MRPL47: variants seen among roughly 807,000 people sequenced by gnomAD.
MRPL47 encodes the protein mitochondrial ribosomal protein L47.
Under a neutral mutation model 34.0 loss-of-function variants are expected in MRPL47, and 31 were observed. The ratio of observed to expected loss-of-function variants is 0.91; its 90% confidence interval spans 0.68 to 1.23. The LOEUF is 1.23. Among genes scored for constraint, MRPL47 ranks in the 50% most tolerant of loss-of-function variants. MRPL47 has a pLI of 0.00. For missense variants in MRPL47, 328 were observed against 285.8 expected (o/e 1.15, Z -1.07); for synonymous variants, 106 against 101.6 (o/e 1.04, Z -0.26).
chr3:179,591,463 TAA>T (rs1211003280), intron 6 of MRPL47, among the ~76,000 whole-genome samples: 12 of 152,316 alleles, frequency 7.9e-5, no homozygotes. Context: ...AAAAAAATCT[TAA>T]GTTTGTATAG....
At chr3:179,590,514 G>A (rs1366253602) in intron 6 of MRPL47, among the ~76,000 whole-genome samples, 4 of 152,104 alleles carry the variant, frequency 2.6e-5, no homozygotes, top group African/African-American at 9.7e-5. Flanking sequence ...TTTAAAAGCT[G>A]TAGCAACAGA....
chr3:179,599,566 C>A (rs2108383801), intron 3 of MRPL47, among the ~76,000 whole-genome samples: 1 of 152,308 alleles, frequency 6.6e-6, no homozygotes, highest in East Asian at 1.9e-4. Flanking sequence ...AATCCCTGAT[C>A]TCTGTGTATA....
intron 1 of MRPL47, among the ~76,000 whole-genome samples, chr3:179,603,761 C>G (rs1178078379): frequency 3.9e-5 from 6 of 152,088 alleles, no homozygotes; most frequent in Admixed American, 2.0e-4. Context: ...TACTGTGCAT[C>G]TGGATGATAA....
At chr3:179,598,611 C>G in intron 4 of MRPL47, 64 bp downstream of exon 4, 1 of 1,023,988 alleles carries the variant, frequency 9.8e-7, no homozygotes, top group Non-Finnish European at 1.5e-6. Context: ...AATACAGGAA[C>G]CACATACTCA....
intron 1 of MRPL47, among the ~76,000 whole-genome samples, 171 bp from the exon 2 acceptor site, chr3:179,602,968 C>T (rs1718964284): frequency 6.6e-6 from 1 of 152,026 alleles, no homozygotes; most frequent in African/African-American, 2.4e-5. Context: ...GACTGGGTCT[C>T]ACTATGTTGT....
chr3:179,600,662 A>C (rs1202062572), intron 3 of MRPL47, among the ~76,000 whole-genome samples: 1 of 152,136 alleles, frequency 6.6e-6, no homozygotes, highest in African/African-American at 2.4e-5. Flanking sequence ...AATAAAAAAA[A>C]GCAAATGTCT....
chr3:179,594,495 A>AT (rs1486064477), intron 4 of MRPL47, among the ~76,000 whole-genome samples: 3 of 152,032 alleles, frequency 2.0e-5, no homozygotes, highest in African/African-American at 7.2e-5. Context: ...ACATATATAT[A>AT]TTTTTTAGAC....
At chr3:179,603,511 C>A (rs1267887796) in intron 1 of MRPL47, among the ~76,000 whole-genome samples, 1 of 152,158 alleles carries the variant, frequency 6.6e-6, no homozygotes, top group African/African-American at 2.4e-5. Flanking sequence ...TGCACTCCAG[C>A]CTGGGCGACA....
intron 3 of MRPL47, among the ~76,000 whole-genome samples, chr3:179,601,253 A>T (rs1212126925): frequency 6.6e-6 from 1 of 152,022 alleles, no homozygotes; most frequent in African/African-American, 2.4e-5. Flanking sequence ...ATAAAACGCA[A>T]AAAAATTAGC....
intron 4 of MRPL47, among the ~76,000 whole-genome samples, chr3:179,594,536 G>A (rs766178695): frequency 2.0e-5 from 3 of 152,178 alleles, no homozygotes; most frequent in Admixed American, 6.5e-5. Context: ...AGGCTAGAGC[G>A]CAGTGGCGTG....
At chr3:179,591,991 G>A (rs190757193) in intron 6 of MRPL47, among the ~76,000 whole-genome samples, 1 of 151,710 alleles carries the variant, frequency 6.6e-6, no homozygotes. Context: ...TGCTACCATG[G>A]CCGGCTAATT....
intron 5 of MRPL47, among the ~76,000 whole-genome samples, 155 bp from the exon 6 acceptor site, chr3:179,592,894 G>T (rs1353730769): frequency 6.6e-6 from 1 of 152,176 alleles, no homozygotes; most frequent in Admixed American, 6.5e-5. Context: ...TCTCTTTTCT[G>T]TGTTGGACTT....
At chr3:179,600,165 T>C (rs1718893979) in intron 3 of MRPL47, among the ~76,000 whole-genome samples, 1 of 151,748 alleles carries the variant, frequency 6.6e-6, no homozygotes, top group African/African-American at 2.4e-5. Flanking sequence ...CTTTAGTTGG[T>C]TGCAGCCATG....
intron 6 of MRPL47, among the ~76,000 whole-genome samples, chr3:179,590,630 AAG>A (rs1453774868): frequency 2.0e-5 from 3 of 152,110 alleles, no homozygotes; most frequent in Admixed American, 1.3e-4. Flanking sequence ...CTGGGAGGAA[AAG>A]AGTTTAAGAT....
chr3:179,589,602 T>TA (rs1415513555), intron 6 of MRPL47, among the ~76,000 whole-genome samples: 1 of 152,206 alleles, frequency 6.6e-6, no homozygotes, highest in Admixed American at 6.5e-5. Context: ...TCTTACAGGA[T>TA]ATTGGTCAAT....
At chr3:179,604,414 G>A in intron 1 of MRPL47, 113 bp downstream of exon 1, 2 of 1,003,188 alleles carry the variant, frequency 2.0e-6, no homozygotes, top group Non-Finnish European at 1.5e-6. Context: ...CTCCGGCTCT[G>A]CCATCCAGGC....
chr3:179,590,413 C>T (rs1718647812), intron 6 of MRPL47, among the ~76,000 whole-genome samples: 1 of 151,960 alleles, frequency 6.6e-6, no homozygotes, highest in African/African-American at 2.4e-5. Context: ...AACAGCACAA[C>T]CCTGGGCTTG....
intron 4 of MRPL47, among the ~76,000 whole-genome samples, chr3:179,598,396 T>TCACACACACACA (rs1718839618): frequency 3.1e-5 from 1 of 32,540 alleles, no homozygotes; most frequent in East Asian, 1.4e-3. Context: ...CCTGACACAC[T>TCACACACACACA]GACACACACA....
At chr3:179,590,221 C>G (rs946492600) in intron 6 of MRPL47, among the ~76,000 whole-genome samples, 1 of 152,006 alleles carries the variant, frequency 6.6e-6, no homozygotes, top group Non-Finnish European at 1.5e-5. Context: ...TGCCTGTAGT[C>G]CCAGCTACTC....
Sources: allele counts gnomAD v4.1 joint callset (sites outside exome capture counted in the v4.1 genomes callset), GRCh38; gene constraint gnomAD v4.1.1; transcripts MANE v1.5; gene names NCBI Gene and HGNC (gene_info 2026-07-23, HGNC 2026-07-21).